ATP2A3: variants seen among roughly 807,000 people sequenced by gnomAD.
ATP2A3 encodes sarcoplasmic/endoplasmic reticulum calcium ATPase 3.
In ATP2A3, 61 loss-of-function variants were observed where a neutral mutation model predicts 106.8. The ratio of observed to expected loss-of-function variants is 0.57; its 90% CI spans 0.46 to 0.71. ATP2A3 has a LOEUF of 0.71. Ranked by LOEUF, ATP2A3 falls within the 30% of genes least tolerant of loss-of-function variation. The pLI is 0.00. For missense variants in ATP2A3, 1,201 were observed against 1,423.5 expected (o/e 0.84, Z 2.52); for synonymous variants, 611 against 609.3 (o/e 1.00, Z -0.04).
chr17:3,945,295 T>C (rs2054051271), intron 8 of ATP2A3, 147 bp from the exon 9 acceptor site: 5 of 654,202 alleles, frequency 7.6e-6, no homozygotes, highest in East Asian at 6.4e-5. Context: ...AGGAGGGAAA[T>C]AGAACGCAGG....
In ATP2A3 at chr17:3,947,189, C is replaced by A. The variant is rs2054161298; in HGVS notation, c.1095+202G>T. Among the ~76,000 whole-genome samples the A allele has an allele frequency of 6.6e-6, 1 of 152,220 alleles. No individual in the cohort carries two copies. The highest frequency in any genetic ancestry group is 6.5e-5 in the Admixed American group (1 of 15,288). On this transcript the variant is annotated intron_variant, in intron 8 of 20. Coordinates refer to ENST00000397041, the MANE Select transcript of ATP2A3 (RefSeq NM_005173.4). This position sits in a 1 kb window ranked among gnomAD's most constrained non-coding sequence, Gnocchi z 7.7. Reference sequence around the variant, plus strand: ...CCAGGGCCCCACAGTGACACACAGGCCTCAGTGACATGTGGCTACCCAGGC... The same window carrying A: ...CCAGGGCCCCACAGTGACACACAGGACTCAGTGACATGTGGCTACCCAGGC...
intron 9 of ATP2A3, 101 bp from the exon 10 acceptor site, chr17:3,944,907 C>A: frequency 7.4e-7 from 1 of 1,355,096 alleles, no homozygotes; most frequent in Non-Finnish European, 1.0e-6. Context: ...CTCTTGGCCC[C>A]GCCCCCAGAA....
intron 8 of ATP2A3, 28 bp from the exon 9 acceptor site, chr17:3,945,176 G>A (rs976824876): frequency 2.0e-6 from 3 of 1,537,264 alleles, no homozygotes; most frequent in Non-Finnish European, 2.6e-6. Flanking sequence ...GTGCTTAGGC[G>A]GGCGGGGTCG....
Position 3,937,928 on chromosome 17 carries a change from A to G in ATP2A3, c.2101-292T>C, listed in dbSNP as rs554882489. ...TGAGTCAGCGATGAGGGTAGGGATGAAATTGAGGTTGGATGTGGGGTAGAA... is the reference window on the plus strand; with the variant it reads ...TGAGTCAGCGATGAGGGTAGGGATGGAATTGAGGTTGGATGTGGGGTAGAA... On this transcript the variant is annotated intron_variant, in intron 14 of 20. Transcript: ENST00000397041. Among the ~76,000 whole-genome samples, 157 of 152,196 alleles carry G rather than the reference A, an allele frequency of 1.0e-3. 2 individuals carry two copies. Among genetic ancestry groups the G allele is most frequent in the African/African-American group, 3.5e-3 (145 of 41,524 alleles).
At chr17:3,937,380 T>G in intron 15 of ATP2A3, 36 bp downstream of exon 15, 1 of 1,596,668 alleles carries the variant, frequency 6.3e-7, no homozygotes, top group Non-Finnish European at 8.6e-7. Context: ...ACAGAGCGGA[T>G]TGAGAGGGCT....
chr17:3,933,446 G>A (rs1374006668), intron 17 of ATP2A3, among the ~76,000 whole-genome samples: 2 of 150,676 alleles, frequency 1.3e-5, no homozygotes, highest in Admixed American at 6.6e-5. Context: ...TCATTAGAAG[G>A]TGCGCTGGGG....
chr17:3,950,524 T>C lies in ATP2A3; in HGVS notation c.617A>G (p.Asn206Ser). 1 of 1,614,138 alleles carries C rather than the reference T, an allele frequency of 6.2e-7. No individual in the cohort carries two copies. Among genetic ancestry groups the C allele is most frequent in the Non-Finnish European group, 8.5e-7 (1 of 1,180,002 alleles). The change falls in exon 7 of 21, where the codon AAC becomes AGC. Residue 206 changes from asparagine to serine, a missense_variant. Physicochemically the swap from Asn to Ser is conservative, Grantham distance 46. Around this residue, in one of 2 missense-constraint regions of ATP2A3, gnomAD observed 935 missense variants for 1,176.7 expected, o/e 0.79. Coordinates refer to ENST00000397041, the MANE Select transcript of ATP2A3 (RefSeq NM_005173.4). ...DPRAVNQDKK[N>S]MLFSGTNITS... ...CATTTGACTTACAGAAAACAGCATG[T>C]TCTTCTTGTCCTGGTTCACAGCTCT...
chr17:3,946,723 C>T (rs2054137765), intron 8 of ATP2A3, among the ~76,000 whole-genome samples: 1 of 152,194 alleles, frequency 6.6e-6, no homozygotes, highest in South Asian at 2.1e-4. Context: ...GGTTTCCAAG[C>T]CCAGTGGGCA....
intron 1 of ATP2A3, among the ~76,000 whole-genome samples, chr17:3,958,823 CATAT>C (rs948134504): frequency 1.0e-5 from 1 of 95,508 alleles, no homozygotes; most frequent in East Asian, 2.4e-4. Flanking sequence ...TATATACACA[CATAT>C]ATATACACAC....
Position 3,953,694 on chromosome 17 carries a change from T to G in ATP2A3, c.135A>C (p.Glu45Asp). ...GGTCCATCCCGGTGCCAGCCTCACC[T>G]TCCTCACTCGGGAGCTCTGCAGGAT... ...RYGPNELPSE[E>D]GKSLWELVLE... is the part of the protein sequence containing the mutation. Residue 45 changes from glutamate to aspartate, a missense_variant and splice_region_variant, in exon 2 of 21, where the codon GAA (glutamate) becomes GAC (aspartate). Around this residue, in one of 2 missense-constraint regions of ATP2A3, gnomAD observed 266 missense variants for 246.8 expected, o/e 1.08. Transcript: ENST00000397041. This position sits in a 1 kb window ranked among gnomAD's most constrained non-coding sequence, Gnocchi z 5.1. The G allele has an allele frequency of 3.2e-6, 5 of 1,567,582 alleles. No homozygotes were observed. The highest frequency in any genetic ancestry group is 4.3e-6 in the Non-Finnish European group (5 of 1,156,154).
At chr17:3,958,853 T>A (rs1267540131) in intron 1 of ATP2A3, among the ~76,000 whole-genome samples, 1 of 81,860 alleles carries the variant, frequency 1.2e-5, no homozygotes, top group African/African-American at 7.6e-5. Flanking sequence ...TATATAAATA[T>A]ATATATATAT....
chr17:3,951,568 CAGT>C lies in ATP2A3; in HGVS notation c.324+10_324+12del. ...ACCGCCCCCCGCCCGGTCCCACCCC[CAGT>C]GCCTCCCACCTGCCACACGCCCACA... is the stretch of plus-strand genomic sequence containing the variant. On this transcript the variant is annotated intron_variant, in intron 4 of 20. Coordinates refer to ENST00000397041, the MANE Select transcript of ATP2A3 (RefSeq NM_005173.4). The C allele has an allele frequency of 6.4e-7, 1 of 1,567,090 alleles. No homozygotes were observed. The highest frequency in any genetic ancestry group is 8.6e-7 in the Non-Finnish European group (1 of 1,156,410).
Position 3,958,865 on chromosome 17 carries a change from T to G in ATP2A3, c.119-5155A>C, listed in dbSNP as rs576955546. Among the ~76,000 whole-genome samples, 26 of 115,050 alleles carry G rather than the reference T, an allele frequency of 2.3e-4. 2 individuals are homozygous for G. Among genetic ancestry groups the G allele is most frequent in the African/African-American group, 1.1e-3 (26 of 23,374 alleles). 75.5% of individuals were successfully genotyped at this position (115,050 alleles called of 152,430 possible). ...ACATATATAAATATATATATATATA[T>G]ATATACACACACACACACACACATA... On this transcript the variant is annotated intron_variant, in intron 1 of 20. Transcript: ENST00000397041.
chr17:3,959,165 T>G (rs61132187), intron 1 of ATP2A3, among the ~76,000 whole-genome samples: 22 of 151,914 alleles, frequency 1.4e-4, no homozygotes, highest in Non-Finnish European at 2.8e-4. Context: ...CCCAAGGTGC[T>G]GAGATGCCAA....
Position 3,947,918 on chromosome 17 carries a change from A to G in ATP2A3, c.631-63T>C, listed in dbSNP as rs748253507. 1 of 1,513,180 alleles carries G rather than the reference A, an allele frequency of 6.6e-7. No homozygotes were observed. The highest frequency in any genetic ancestry group is 9.0e-7 in the Non-Finnish European group (1 of 1,106,600). 93.7% of individuals were successfully genotyped at this position (1,513,180 alleles called of 1,614,324 possible). A position where few individuals can be genotyped will look rare whatever the true frequency, so the allele number is the denominator to read the frequency against. On this transcript the variant is annotated intron_variant, in intron 7 of 20. Transcript: ENST00000397041. This position sits in a 1 kb window ranked among gnomAD's most constrained non-coding sequence, Gnocchi z 7.7. ...GCCAACCAGGGGCCCAGGACCCCTG[A>G]CTCCTTCAGGCCGGAATAAGGCACT...
chr17:3,959,806 T>C (rs902861395), intron 1 of ATP2A3, among the ~76,000 whole-genome samples: 4 of 152,188 alleles, frequency 2.6e-5, no homozygotes, highest in African/African-American at 9.7e-5. Flanking sequence ...TGCGGGGCCT[T>C]GGAAGTAGCT....
intron 1 of ATP2A3, among the ~76,000 whole-genome samples, chr17:3,957,079 A>G (rs956096501): frequency 6.6e-6 from 1 of 152,272 alleles, no homozygotes; most frequent in African/African-American, 2.4e-5. Flanking sequence ...AACAAATGGG[A>G]AGACGCTGGG....
chr17:3,947,639 C>A lies in ATP2A3; in HGVS notation c.847G>T (p.Ala283Ser). The change falls in exon 8 of 21, where the codon GCC becomes TCC. Residue 283 changes from alanine to serine, a missense_variant. Physicochemically the swap from Ala to Ser is moderately conservative, Grantham distance 99. Around this residue, in one of 2 missense-constraint regions of ATP2A3, gnomAD observed 935 missense variants for 1,176.7 expected, o/e 0.79. Coordinates refer to ENST00000397041, the MANE Select transcript of ATP2A3 (RefSeq NM_005173.4). The surrounding 1 kb of genome is among the most constrained non-coding windows in gnomAD (Gnocchi z 7.7). ...CCACGCAGCCAGGAGCCACCGTGGGCCGGGTCGGCGAAGTGGCCGATGTTG... is the reference window on the plus strand; with the variant it reads ...CCACGCAGCCAGGAGCCACCGTGGGACGGGTCGGCGAAGTGGCCGATGTTG... The part of the protein sequence containing the change: ...VINIGHFADP[A>S]HGGSWLRGAV... 6.2e-7 allele frequency: 1 copy of A among 1,612,348 alleles called. No homozygotes were observed.
rs928605139 is a variant in ATP2A3 at position 3,930,124 on chromosome 17, C to G, written c.2744+177G>C. ...GACCCACAGACCCCAATCCTGGACCCCTGACCCTCAGACACTGATACTGGA... is the reference window on the plus strand; with the variant it reads ...GACCCACAGACCCCAATCCTGGACCGCTGACCCTCAGACACTGATACTGGA... On this transcript the variant is annotated intron_variant, in intron 18 of 20. Transcript: ENST00000397041. This position sits in a 1 kb window ranked among gnomAD's most constrained non-coding sequence, Gnocchi z 5.4. Among the ~76,000 whole-genome samples, 4 of 149,688 alleles carry G rather than the reference C, an allele frequency of 2.7e-5. 1 individual carries two copies. Among genetic ancestry groups the G allele is most frequent in the African/African-American group, 1.0e-4 (4 of 39,502 alleles).
Sources: allele counts gnomAD v4.1 joint callset (sites outside exome capture counted in the v4.1 genomes callset), GRCh38; gene constraint gnomAD v4.1.1; regional missense constraint gnomAD v4.1.1; non-coding constraint Gnocchi (gnomAD v3.1); transcripts MANE v1.5; gene names NCBI Gene and HGNC (gene_info 2026-07-23, HGNC 2026-07-21).